The following AASDH variants were observed in gnomAD, a reference collection of about 807,000 sequenced individuals.
AASDH encodes the protein aminoadipate-semialdehyde dehydrogenase.
A neutral mutation model predicts 102.3 loss-of-function variants in AASDH; 81 were observed. The observed-to-expected ratio is 0.79, with a 90% CI of 0.66 to 0.95. The LOEUF (loss-of-function observed/expected upper bound fraction) is 0.95. Among genes scored for constraint, AASDH ranks in the 40% least tolerant of loss-of-function variants. The pLI is 0.00. For synonymous variants in AASDH, 398 were observed against 454.0 expected (o/e 0.88, Z 1.57); for missense variants, 1,203 against 1,266.2 (o/e 0.95, Z 0.76).
chr4:56,375,171 C>T (rs1752200609), intron 4 of AASDH, among the ~76,000 whole-genome samples: 1 of 152,006 alleles, frequency 6.6e-6, no homozygotes, highest in Non-Finnish European at 1.5e-5. Flanking sequence ...TTCACTGCAG[C>T]CTCAAACTCC....
rs1231125272 is a variant in AASDH at position 56,378,508 on chromosome 4, A to C, written c.352-44T>G. ...AAAGTTTACAGTATTAGTATGTTAA[A>C]AGATATTCTTCTTTATATAGAAGTA... On this transcript the variant is annotated intron_variant, in intron 3 of 14. Coordinates refer to ENST00000205214, the MANE Select transcript of AASDH (RefSeq NM_181806.4). 2.1e-6 allele frequency: 3 copies of C among 1,418,154 alleles called. No homozygotes were observed. In the South Asian group the frequency reaches 4.2e-5, roughly 20 times the overall value. 87.8% of individuals were successfully genotyped at this position (1,418,154 alleles called of 1,614,324 possible). A position where few individuals can be genotyped will look rare whatever the true frequency, so the allele number is the denominator to read the frequency against.
intron 2 of AASDH, among the ~76,000 whole-genome samples, chr4:56,383,004 C>A (rs1159761974): frequency 6.6e-6 from 1 of 152,158 alleles, no homozygotes; most frequent in Admixed American, 6.5e-5. Context: ...TTGCGGTGAG[C>A]CGAGATCACG....
At position 56,378,881 on chromosome 4, in the gene AASDH, T is replaced by A. The variant is rs28501253; in HGVS notation, c.352-417A>T. 7.2e-3 allele frequency among the ~76,000 whole-genome samples: 1,095 copies of A among 151,444 alleles called. 12 individuals are homozygous for A. The highest frequency in any genetic ancestry group is 0.024 in the African/African-American group (990 of 41,288). ...GAGTGCAGTGGTATAATCTTTATTT[T>A]TTTATTTATTTTTTTTTTTTGAGAC... On this transcript the variant is annotated intron_variant, in intron 3 of 14. Coordinates refer to ENST00000205214, the MANE Select transcript of AASDH (RefSeq NM_181806.4).
chr4:56,370,096 T>C (rs141498384), intron 5 of AASDH, among the ~76,000 whole-genome samples: 1,861 of 152,202 alleles, frequency 0.012, 31 homozygotes, highest in Middle Eastern at 0.085. Flanking sequence ...CCAGGTACAG[T>C]GGTTCACGCC....
At chr4:56,341,042 GA>G (rs1217007501) in intron 14 of AASDH, among the ~76,000 whole-genome samples, 27 of 152,162 alleles carry the variant, frequency 1.8e-4, no homozygotes, top group Non-Finnish European at 3.7e-4. Context: ...GGAGAAAAAG[GA>G]ACTTACACTG....
intron 5 of AASDH, chr4:56,356,286 C>A (rs1749630559): frequency 4.2e-6 from 5 of 1,176,532 alleles, no homozygotes; most frequent in Non-Finnish European, 6.3e-6. Flanking sequence ...AGAGACCTCA[C>A]CAGCTTTGTG....
intron 7 of AASDH, 141 bp from the exon 8 acceptor site, chr4:56,354,352 G>A: frequency 1.5e-6 from 1 of 648,662 alleles, no homozygotes; most frequent in South Asian, 4.6e-5. Context: ...AATGTTATCT[G>A]ATAAAATCAG....
At chr4:56,378,099 C>G in intron 4 of AASDH, 49 bp downstream of exon 4, 1 of 1,525,954 alleles carries the variant, frequency 6.6e-7, no homozygotes, top group Non-Finnish European at 8.8e-7. Context: ...AGCCACCACA[C>G]CTGGCCTAAA....
At chr4:56,356,315 A>G in intron 5 of AASDH, 1 of 1,385,994 alleles carries the variant, frequency 7.2e-7, no homozygotes, top group South Asian at 1.2e-5. Context: ...CTGCTCTATC[A>G]GGTTGCAGCG....
At chr4:56,354,649 C>A in intron 7 of AASDH, 56 bp downstream of exon 7, 1 of 1,240,268 alleles carries the variant, frequency 8.1e-7, no homozygotes, top group South Asian at 1.4e-5. Context: ...ATAAAATTAA[C>A]ACATCAGATC....
chr4:56,339,127 A>G (rs1747301034), intron 14 of AASDH, among the ~76,000 whole-genome samples: 1 of 151,884 alleles, frequency 6.6e-6, no homozygotes, highest in Admixed American at 6.6e-5. Flanking sequence ...TGAGTTTTCA[A>G]TATTATCTTT....
chr4:56,348,946 GT>G (rs1290836210), intron 11 of AASDH: 7 of 357,822 alleles, frequency 2.0e-5, no homozygotes, highest in Non-Finnish European at 3.0e-5. Flanking sequence ...GTTCTAGGTT[GT>G]TGAGTTTTGG....
Position 56,338,423 on chromosome 4 carries a change from T to A in AASDH, c.3276A>T (p.Leu1092Phe), listed in dbSNP as rs1747127826. The change falls in exon 15 of 15, where the codon TTA (leucine) becomes TTT (phenylalanine). Residue 1092 changes from leucine (L) to phenylalanine (F), a missense_variant. By Grantham distance (22) the Leu-to-Phe change is conservative. Coordinates refer to ENST00000205214, the MANE Select transcript of AASDH (RefSeq NM_181806.4). Reference sequence around the variant, plus strand: ...TTGATTATTTTTGATTGCCACCCAATAAATCCAGACAATAAACATAATTAT... The same window carrying A: ...TTGATTATTTTTGATTGCCACCCAAAAAATCCAGACAATAAACATAATTAT... ...CRDNYVYCLD[L>F]LGGNQK 3.1e-6 allele frequency: 5 copies of A among 1,613,586 alleles called. No homozygotes were observed. The highest frequency in any genetic ancestry group is 1.7e-4 in the Middle Eastern group (1 of 6,060).
rs745746311 is a variant in AASDH at position 56,371,615 on chromosome 4, C to T, written c.697G>A (p.Val233Ile). 3 of 1,606,860 alleles carry T rather than the reference C, an allele frequency of 1.9e-6. No homozygotes were observed. The highest frequency in any genetic ancestry group is 1.7e-6 in the Non-Finnish European group (2 of 1,178,554). The change falls in exon 5 of 15, where the codon GTT (valine) becomes ATT (isoleucine). Residue 233 changes from valine (V) to isoleucine (I), a missense_variant. Transcript: ENST00000205214. ...GTCAGAGGTGAAGCCAGAAACAAAA[C>T]ATCTTCTTGTGTGATGTCAAAAAGT... ...RVLFDITQED[V>I]LFLASPLTFD...
At chr4:56,357,830 T>C (rs995580277) in intron 5 of AASDH, among the ~76,000 whole-genome samples, 4 of 151,866 alleles carry the variant, frequency 2.6e-5, no homozygotes, top group Admixed American at 6.6e-5. Flanking sequence ...GGATCAGGAC[T>C]GGGTTTCACT....
intron 13 of AASDH, 34 bp downstream of exon 13, chr4:56,343,528 G>A (rs1747954441): frequency 6.6e-7 from 1 of 1,512,542 alleles, no homozygotes. Flanking sequence ...TTAAAGAAAA[G>A]TAATAAAATC....
chr4:56,376,744 G>A (rs535439609), intron 4 of AASDH, among the ~76,000 whole-genome samples: 97 of 152,122 alleles, frequency 6.4e-4, no homozygotes, highest in Non-Finnish European at 1.2e-3. Context: ...TAATGTTTTG[G>A]AGTATACTAA....
rs1246506047 is a variant in AASDH, at chr4:56,355,214, C to T, written c.1071G>A (p.Arg357=). ...TAGAGTTAAGAGTCTTCTCTGGAAT[C>T]CTATAAATGGTCGCCCAACTTGATA... ...TEVSSWATIY[R]IPEKTLNSTL... Residue 357 remains arginine, a synonymous_variant, in exon 6 of 15, where the codon AGG becomes AGA. Coordinates refer to ENST00000205214, the MANE Select transcript of AASDH (RefSeq NM_181806.4). 2 of 1,614,026 alleles carry T rather than the reference C, an allele frequency of 1.2e-6. No homozygotes were observed. The highest frequency in any genetic ancestry group is 1.7e-5 in the Admixed American group (1 of 60,022).
intron 5 of AASDH, among the ~76,000 whole-genome samples, chr4:56,366,570 G>A (rs560375805): frequency 8.3e-4 from 126 of 152,224 alleles, no homozygotes; most frequent in African/African-American, 3.0e-3. Context: ...TTCAATATAT[G>A]CAAATCAATA....
Sources: gnomAD v4.1 joint callset for allele counts (sites outside exome capture counted in the v4.1 genomes callset) on GRCh38, gnomAD v4.1.1 for gene constraint, MANE v1.5 for transcripts, NCBI Gene and HGNC (gene_info 2026-07-23, HGNC 2026-07-21) for gene names.